Variants in RAB3IL1 observed in about 807,000 individuals in gnomAD.
RAB3IL1 encodes RAB3A interacting protein like 1, also known as guanine nucleotide exchange factor for Rab-3A.
A neutral mutation model predicts 49.2 loss-of-function variants in RAB3IL1; 37 were observed. That is an observed-to-expected ratio of 0.75 (90% CI 0.58 to 0.99). The LOEUF (loss-of-function observed/expected upper bound fraction) is 0.99. RAB3IL1 is among the 50% of genes least tolerant of loss of function. The probability of loss-of-function intolerance (pLI) is 0.00; values close to 1 mark genes in which losing one functional copy is unlikely to be tolerated. For missense variants in RAB3IL1, 484 were observed against 513.0 expected, an observed-to-expected ratio of 0.94 and a Z score of 0.55; for synonymous variants, 193 against 213.9, an observed-to-expected ratio of 0.90 and a Z score of 0.85.
chr11:61,920,520 G>A (rs928794814), upstream of RAB3IL1, among the ~76,000 whole-genome samples: 2 of 152,234 alleles, frequency 1.3e-5, no homozygotes, highest in African/African-American at 4.8e-5. Flanking sequence ...GCAGGCTGGG[G>A]TGTTGGAAAG....
chr11:61,925,483 G>A, the RAB3IL1 span, among the ~76,000 whole-genome samples: 1 of 151,892 alleles, frequency 6.6e-6, no homozygotes, highest in South Asian at 2.1e-4. Flanking sequence ...AAAAATACAC[G>A]AATTAGCCAG....
At chr11:61,933,473 T>G in the RAB3IL1 span, among the ~76,000 whole-genome samples, 1 of 152,236 alleles carries the variant, frequency 6.6e-6, no homozygotes, top group African/African-American at 2.4e-5. Context: ...AATACTGATT[T>G]TGGACATCCT....
At chr11:61,944,869 C>T in the RAB3IL1 span, among the ~76,000 whole-genome samples, 1 of 152,082 alleles carries the variant, frequency 6.6e-6, no homozygotes, top group South Asian at 2.1e-4. Flanking sequence ...GGCTACTTAT[C>T]TTTGTATTTT....
intron 4 of RAB3IL1, 61 bp downstream of exon 4, chr11:61,907,332 G>A (rs372358394): frequency 4.2e-5 from 66 of 1,557,200 alleles, no homozygotes; most frequent in Non-Finnish European, 5.2e-5. Flanking sequence ...CTCAGTGCTC[G>A]CTGAGCCGGG....
intron 4 of RAB3IL1, 122 bp downstream of exon 4, chr11:61,907,271 C>T: frequency 9.8e-7 from 1 of 1,025,458 alleles, no homozygotes; most frequent in South Asian, 1.4e-5. Context: ...TAGGTTCACC[C>T]ATTCCTGCTG....
intron 8 of RAB3IL1, 67 bp from the exon 9 acceptor site, chr11:61,899,447 C>G (rs1253840168): frequency 2.0e-6 from 3 of 1,505,360 alleles, no homozygotes; most frequent in Non-Finnish European, 2.7e-6. Flanking sequence ...ACAGGCGGAT[C>G]TGAGTCCAGA....
chr11:61,917,042 A>G (rs1057063853), intron 1 of RAB3IL1, among the ~76,000 whole-genome samples: 9 of 152,000 alleles, frequency 5.9e-5, no homozygotes, highest in Admixed American at 3.3e-4. Context: ...CTCTAGGTGC[A>G]TGCCCCAGAG....
chr11:61,913,498 G>T (rs944489514), intron 1 of RAB3IL1, among the ~76,000 whole-genome samples: 1 of 152,122 alleles, frequency 6.6e-6, no homozygotes, highest in Non-Finnish European at 1.5e-5. Flanking sequence ...GTCAGGCCAC[G>T]CCTCCGCCGG....
the RAB3IL1 span, among the ~76,000 whole-genome samples, chr11:61,941,842 AT>A: frequency 6.6e-6 from 1 of 152,214 alleles, no homozygotes; most frequent in South Asian, 2.1e-4. Flanking sequence ...ATCCAGCAAC[AT>A]GTTAAAAAGA....
At chr11:61,912,525 G>T (rs1327380796) in intron 1 of RAB3IL1, among the ~76,000 whole-genome samples, 2 of 152,240 alleles carry the variant, frequency 1.3e-5, no homozygotes, top group African/African-American at 2.4e-5. Flanking sequence ...CCACTCCACA[G>T]GTGTCATGGC....
chr11:61,908,273 G>T lies in RAB3IL1; in HGVS notation c.45C>A (p.Pro15=). 6.7e-7 allele frequency: 1 copy of T among 1,503,316 alleles called. No homozygotes were observed. The highest frequency in any genetic ancestry group is 8.9e-7 in the Non-Finnish European group (1 of 1,128,046). The allele number at this position is 1,503,316 out of a possible 1,614,324, so 93.1% of individuals were successfully genotyped here. The change falls in exon 2 of 10, where the codon CCC becomes CCA. Residue 15 remains proline, a synonymous_variant. Transcript: ENST00000394836. The part of the protein sequence containing the change: ...PPQPDQGLPP[P]LAAVPVPWKS... The stretch of plus-strand genomic sequence containing the variant: ...TCCAGGGGACCGGGACAGCTGCAAG[G>T]GGCGGCGGGAGGCCCTGGTCTGGCT...
At chr11:61,917,597 G>A (rs1939764102), upstream of RAB3IL1, 7 of 1,055,452 alleles carry the variant, frequency 6.6e-6, no homozygotes, top group Non-Finnish European at 8.0e-6. Context: ...CCGAGGACAC[G>A]TGCCCGGCCC....
chr11:61,913,075 C>T (rs1337513286), intron 1 of RAB3IL1, among the ~76,000 whole-genome samples: 5 of 151,932 alleles, frequency 3.3e-5, no homozygotes, highest in South Asian at 2.1e-4. Flanking sequence ...TGGCACGTCC[C>T]GTAGGCAGCT....
chr11:61,921,175 T>A (rs955695092), upstream of RAB3IL1, among the ~76,000 whole-genome samples: 2 of 152,028 alleles, frequency 1.3e-5, no homozygotes, highest in African/African-American at 2.4e-5. Flanking sequence ...ATTTTTAAAT[T>A]TTTTTTATTT....
In RAB3IL1 at chr11:61,898,302, G is replaced by A. The variant is rs773080206; in HGVS notation, c.1125C>T (p.Leu375=). The A allele has an allele frequency of 1.3e-4, 206 of 1,613,328 alleles. No homozygotes were observed. The South Asian group carries it at 2.1e-3, about 16-fold the overall frequency. The change falls in exon 10 of 10, where the codon CTC becomes CTT. Residue 375 remains leucine (L), a synonymous_variant. Transcript: ENST00000394836. This position sits in a 1 kb window ranked among gnomAD's most constrained non-coding sequence, Gnocchi z 5.1. ...RLRKEMSLAK[L]GFFPQEA is the part of the protein sequence containing the mutation. ...CCTAAGCCTCCTGGGGGAAGAAGCC[G>A]AGCTTGGCCAGTGACATCTCCTTCC... is the stretch of plus-strand genomic sequence containing the variant.
At chr11:61,924,167 G>A (rs1221511037), upstream of RAB3IL1, among the ~76,000 whole-genome samples, 1 of 152,176 alleles carries the variant, frequency 6.6e-6, no homozygotes, top group Non-Finnish European at 1.5e-5. Flanking sequence ...TCCAGAGAGG[G>A]CAGGCACTTG....
the RAB3IL1 span, among the ~76,000 whole-genome samples, chr11:61,944,664 G>T: frequency 1.3e-5 from 2 of 152,132 alleles, no homozygotes; most frequent in African/African-American, 2.4e-5. Flanking sequence ...TTGCCTGACT[G>T]TCCTGTAGTT....
At chr11:61,926,200 A>G in the RAB3IL1 span, among the ~76,000 whole-genome samples, 1 of 152,096 alleles carries the variant, frequency 6.6e-6, no homozygotes, top group Admixed American at 6.6e-5. Context: ...TAGTTAACAC[A>G]TAAAGAATTT....
In RAB3IL1 at chr11:61,908,054, C is replaced by T. The variant is rs200398640; in HGVS notation, c.264G>A (p.Lys88=). Residue 88 remains lysine, a splice_region_variant and synonymous_variant, in exon 2 of 10, where the codon AAG becomes AAA. Transcript: ENST00000394836. ...CCCCCAGCCTACTGCAGGCACCCAC[C>T]TTCTGCGCTCTGTGCAGCTCCTCCT... The part of the protein sequence containing the change: ...FLKEELHRAQ[K]ELKLKDEECE... 1.7e-5 allele frequency: 28 copies of T among 1,606,648 alleles called. No homozygotes were observed. The highest frequency in any genetic ancestry group is 2.3e-5 in the Non-Finnish European group (27 of 1,175,754).
Sources: allele counts gnomAD v4.1 joint callset (sites outside exome capture counted in the v4.1 genomes callset), GRCh38; gene constraint gnomAD v4.1.1; non-coding constraint Gnocchi (gnomAD v3.1); transcripts MANE v1.5; gene names NCBI Gene and HGNC (gene_info 2026-07-23, HGNC 2026-07-21).